Variants in FSTL4 observed in about 807,000 individuals in gnomAD.
The protein encoded by FSTL4 is follistatin like 4, also known as follistatin-related protein 4.
A neutral mutation model predicts 78.2 loss-of-function variants in FSTL4; 28 were observed. The ratio of observed to expected loss-of-function variants is 0.36; its 90% CI spans 0.27 to 0.49. The LOEUF (loss-of-function observed/expected upper bound fraction) is 0.49, where lower values mean the gene tolerates loss of function less well. FSTL4 is among the 20% of genes least tolerant of loss of function. FSTL4 has a pLI of 0.98. For synonymous variants in FSTL4, 422 were observed against 440.5 expected (o/e 0.96, Z 0.53); for missense variants, 922 against 1,084.9 (o/e 0.85, Z 2.11).
At chr5:133,452,849 T>A (rs1757411421) in intron 3 of FSTL4, among the ~76,000 whole-genome samples, 1 of 152,234 alleles carries the variant, frequency 6.6e-6, no homozygotes, top group African/African-American at 2.4e-5. Context: ...GTTCTCAGAC[T>A]ACATCTAAAA....
chr5:133,260,977 G>A (rs1445667267), intron 6 of FSTL4, among the ~76,000 whole-genome samples: 1 of 152,168 alleles, frequency 6.6e-6, no homozygotes, highest in Non-Finnish European at 1.5e-5. Context: ...AGGGCTGGCG[G>A]GGCCTGTGGT....
chr5:133,213,732 A>T (rs561104153), intron 13 of FSTL4, among the ~76,000 whole-genome samples: 1 of 152,352 alleles, frequency 6.6e-6, no homozygotes, highest in African/African-American at 2.4e-5. Flanking sequence ...AAATAACAAA[A>T]GTAACATAGT....
chr5:133,827,903 C>T, the FSTL4 span, among the ~76,000 whole-genome samples: 1 of 152,026 alleles, frequency 6.6e-6, no homozygotes, highest in African/African-American at 2.4e-5. Flanking sequence ...TCAGCCACAC[C>T]CTGTGCGTCA....
chr5:133,382,027 C>T (rs1362894109), intron 4 of FSTL4, among the ~76,000 whole-genome samples: 1 of 152,206 alleles, frequency 6.6e-6, no homozygotes, highest in African/African-American at 2.4e-5. Flanking sequence ...TTTACTCCCT[C>T]TTCACATCCC....
chr5:133,523,852 T>C (rs1350984124), intron 3 of FSTL4, among the ~76,000 whole-genome samples: 1 of 152,264 alleles, frequency 6.6e-6, no homozygotes, highest in Non-Finnish European at 1.5e-5. Flanking sequence ...TGAGAGGACA[T>C]TTTTGTCTTA....
intron 13 of FSTL4, among the ~76,000 whole-genome samples, chr5:133,212,285 C>T (rs965925834): frequency 1.3e-5 from 2 of 152,166 alleles, no homozygotes; most frequent in Non-Finnish European, 2.9e-5. Context: ...ATTTCATACT[C>T]TTATTCTAAG....
At position 133,263,120 on chromosome 5, in the gene FSTL4, C is replaced by T. The variant is rs138266154; in HGVS notation, c.728-13544G>A. Among the ~76,000 whole-genome samples, 900 of 152,132 alleles carry T rather than the reference C, an allele frequency of 5.9e-3. 11 individuals carry two copies. The highest frequency in any genetic ancestry group is 0.021 in the African/African-American group (859 of 41,512). ...CCAGGATGAATACTGGGGTTTTGGC[C>T]TGAAAAACTGTGTGGGTGTTGGTTC... On this transcript the variant is annotated intron_variant, in intron 6 of 15. Transcript: ENST00000265342.
At chr5:133,648,539 C>T in the FSTL4 span, among the ~76,000 whole-genome samples, 1 of 152,152 alleles carries the variant, frequency 6.6e-6, no homozygotes, top group Non-Finnish European at 1.5e-5. Flanking sequence ...TTCATCAACC[C>T]CCTATGGTAC....
chr5:133,627,525 G>C, the FSTL4 span, among the ~76,000 whole-genome samples: 3 of 152,144 alleles, frequency 2.0e-5, no homozygotes, highest in African/African-American at 7.2e-5. Context: ...TTTGTGTGGG[G>C]ACACAGCCAA....
intron 2 of FSTL4, 69 bp downstream of exon 2, chr5:133,603,789 G>A: frequency 6.6e-7 from 1 of 1,510,726 alleles, no homozygotes; most frequent in Non-Finnish European, 9.2e-7. Flanking sequence ...AGGTGGAGGG[G>A]AAATCAGATA....
the FSTL4 span, among the ~76,000 whole-genome samples, chr5:133,694,137 A>T: frequency 6.6e-6 from 1 of 152,206 alleles, no homozygotes; most frequent in African/African-American, 2.4e-5. Flanking sequence ...ATTCCCTCCC[A>T]TCCCCAGCAA....
chr5:133,800,989 C>T, the FSTL4 span, among the ~76,000 whole-genome samples: 1 of 152,122 alleles, frequency 6.6e-6, no homozygotes, highest in African/African-American at 2.4e-5. Flanking sequence ...GCTGCCACGA[C>T]AGGCCCTGGC....
chr5:133,729,374 C>T, the FSTL4 span, among the ~76,000 whole-genome samples: 1 of 152,226 alleles, frequency 6.6e-6, no homozygotes, highest in African/African-American at 2.4e-5. Context: ...AAACTTTATA[C>T]GTCTCTTTCC....
At chr5:133,427,551 C>T (rs1265716869) in intron 3 of FSTL4, 1 of 493,580 alleles carries the variant, frequency 2.0e-6, no homozygotes, top group Non-Finnish European at 4.3e-6. Flanking sequence ...CTCATGAGTG[C>T]TTCCAGCAAT....
At chr5:133,797,262 C>A in the FSTL4 span, among the ~76,000 whole-genome samples, 3 of 152,196 alleles carry the variant, frequency 2.0e-5, no homozygotes, top group African/African-American at 7.2e-5. Flanking sequence ...TGTCTTGAAG[C>A]AGGGGCTTCC....
At chr5:133,692,858 G>A in the FSTL4 span, among the ~76,000 whole-genome samples, 1 of 152,186 alleles carries the variant, frequency 6.6e-6, no homozygotes, top group South Asian at 2.1e-4. Flanking sequence ...CAGGGGGCCT[G>A]CTCTGACCTC....
intron 3 of FSTL4, among the ~76,000 whole-genome samples, chr5:133,482,218 C>A (rs1758041380): frequency 6.6e-6 from 1 of 152,210 alleles, no homozygotes; most frequent in Non-Finnish European, 1.5e-5. Context: ...GGAAGCCAGA[C>A]TGCAATGCCA....
At chr5:133,320,341 G>A (rs1179086161) in intron 4 of FSTL4, among the ~76,000 whole-genome samples, 1 of 152,014 alleles carries the variant, frequency 6.6e-6, no homozygotes, top group East Asian at 1.9e-4. Flanking sequence ...TGGTTTCACT[G>A]TGGGGTCAGA....
At chr5:133,651,886 G>T in the FSTL4 span, among the ~76,000 whole-genome samples, 25 of 152,124 alleles carry the variant, frequency 1.6e-4, no homozygotes, top group African/African-American at 5.1e-4. Context: ...ATGTTTGATA[G>T]AATTCACCTG....
Sources: gnomAD v4.1 joint callset for allele counts (sites outside exome capture counted in the v4.1 genomes callset) on GRCh38, gnomAD v4.1.1 for gene constraint, MANE v1.5 for transcripts, NCBI Gene and HGNC (gene_info 2026-07-23, HGNC 2026-07-21) for gene names.